The following SYT10 variants were observed in gnomAD, a reference collection of about 807,000 sequenced individuals.
SYT10 encodes the protein synaptotagmin-10.
SYT10 carries 31 observed loss-of-function variants against 51.1 expected under a neutral mutation model. The ratio of observed to expected loss-of-function variants is 0.61; its 90% confidence interval spans 0.46 to 0.82. The LOEUF (loss-of-function observed/expected upper bound fraction) is 0.82, where lower values mean the gene tolerates loss of function less well. SYT10 is among the 40% of genes least tolerant of loss of function. The probability of loss-of-function intolerance (pLI) is 0.00; values close to 1 mark genes in which losing one functional copy is unlikely to be tolerated. For synonymous variants in SYT10, 233 were observed against 225.9 expected (o/e 1.03, Z -0.28); for missense variants, 603 against 634.0 (o/e 0.95, Z 0.53).
At chr12:33,384,585 A>G (rs1173068414) in intron 4 of SYT10, among the ~76,000 whole-genome samples, 1 of 152,248 alleles carries the variant, frequency 6.6e-6, no homozygotes, top group African/African-American at 2.4e-5. Context: ...GGGATGAAGA[A>G]GCATGATGTA....
Position 33,403,233 on chromosome 12 carries a change from CTTT to C in SYT10, c.1077+3553_1077+3555del, listed in dbSNP as rs36045526. 2.3e-3 allele frequency among the ~76,000 whole-genome samples: 291 copies of C among 127,642 alleles called. 1 individual carries two copies. Among genetic ancestry groups the C allele is most frequent in the Middle Eastern group, 4.1e-3 (1 of 242 alleles). The allele number at this position is 127,642 out of a possible 152,430, so 83.7% of individuals were successfully genotyped here. On this transcript the variant is annotated intron_variant, in intron 3 of 6. Coordinates refer to ENST00000228567, the MANE Select transcript of SYT10 (RefSeq NM_198992.4). ...CATTATTGTCTCTTAATCTGATAGT[CTTT>C]TTTTTTTTTTTTTTGAGACAGAGTC...
intron 2 of SYT10, among the ~76,000 whole-genome samples, chr12:33,410,785 AAAT>A (rs1866398451): frequency 1.3e-5 from 2 of 152,214 alleles, no homozygotes; most frequent in South Asian, 4.1e-4. Flanking sequence ...AATATGAAAA[AAAT>A]AATGTCAAAT....
chr12:33,417,201 G>A (rs1866461768), intron 2 of SYT10, among the ~76,000 whole-genome samples: 1 of 152,192 alleles, frequency 6.6e-6, no homozygotes. Context: ...GGCAGAGCCT[G>A]TACTGTAAGA....
intron 3 of SYT10, among the ~76,000 whole-genome samples, chr12:33,404,197 T>C (rs1354357038): frequency 1.3e-5 from 2 of 152,078 alleles, no homozygotes; most frequent in African/African-American, 4.8e-5. Context: ...TGATTAAGAT[T>C]ATGGATTTTG....
At chr12:33,394,880 G>A (rs1866240610) in intron 3 of SYT10, among the ~76,000 whole-genome samples, 1 of 152,200 alleles carries the variant, frequency 6.6e-6, no homozygotes. Flanking sequence ...GAGGTCAGGA[G>A]ATCAAGACCA....
At chr12:33,387,520 T>C (rs1474788097) in intron 3 of SYT10, among the ~76,000 whole-genome samples, 1 of 152,166 alleles carries the variant, frequency 6.6e-6, no homozygotes, top group Non-Finnish European at 1.5e-5. Context: ...ATTCAGTAAG[T>C]ACTGGATAAA....
At chr12:33,412,927 A>T (rs906578377) in intron 2 of SYT10, among the ~76,000 whole-genome samples, 1 of 152,156 alleles carries the variant, frequency 6.6e-6, no homozygotes, top group Non-Finnish European at 1.5e-5. Flanking sequence ...AAAAACTAAA[A>T]ACCTTGAAAA....
chr12:33,420,171 G>A (rs1315334625), intron 2 of SYT10, among the ~76,000 whole-genome samples: 1 of 152,116 alleles, frequency 6.6e-6, no homozygotes, highest in East Asian at 1.9e-4. Flanking sequence ...TGCAAATAGT[G>A]TATTGAAATT....
intron 1 of SYT10, among the ~76,000 whole-genome samples, chr12:33,438,187 G>A (rs1592001108): frequency 1.3e-5 from 2 of 152,278 alleles, no homozygotes; most frequent in East Asian, 3.9e-4. Flanking sequence ...CTCCCAGCAC[G>A]CAGGGCTCCA....
At chr12:33,391,151 G>A (rs1866202729) in intron 3 of SYT10, among the ~76,000 whole-genome samples, 1 of 152,144 alleles carries the variant, frequency 6.6e-6, no homozygotes, top group African/African-American at 2.4e-5. Flanking sequence ...TGGCCAGACT[G>A]GTCTTGAACT....
At chr12:33,427,634 A>G (rs1344536042) in intron 1 of SYT10, among the ~76,000 whole-genome samples, 1 of 152,210 alleles carries the variant, frequency 6.6e-6, no homozygotes, top group Non-Finnish European at 1.5e-5. Context: ...AGCTTATTGT[A>G]TTTTATTTAT....
At chr12:33,430,284 A>T (rs1866586174) in intron 1 of SYT10, among the ~76,000 whole-genome samples, 1 of 152,240 alleles carries the variant, frequency 6.6e-6, no homozygotes, top group Non-Finnish European at 1.5e-5. Context: ...ATAAAGTGAC[A>T]TAGTTCAGAA....
rs760906718 is a variant in SYT10 at position 33,407,082 on chromosome 12, C to G, written c.784G>C (p.Asp262His). ...TAAGGGTCAGAAGTTCCTGTGAAGTCTTTAGCAGGGAGATCTAAAGCTTTG... is the reference window on the plus strand; with the variant it reads ...TAAGGGTCAGAAGTTCCTGTGAAGTGTTTAGCAGGGAGATCTAAAGCTTTG... ...IIKALDLPAK[D>H]FTGTSDPYVK... The change falls in exon 3 of 7, where the codon GAC (aspartate) becomes CAC (histidine). Residue 262 changes from aspartate to histidine, a missense_variant. Coordinates refer to ENST00000228567, the MANE Select transcript of SYT10 (RefSeq NM_198992.4). The G allele has an allele frequency of 1.2e-6, 2 of 1,613,918 alleles. No homozygotes were observed. The highest frequency in any genetic ancestry group is 1.7e-5 in the Admixed American group (1 of 59,970).
intron 2 of SYT10, chr12:33,407,648 CT>C (rs1200961054): frequency 3.2e-6 from 1 of 310,038 alleles, no homozygotes; most frequent in Non-Finnish European, 5.9e-6. Context: ...TTCTGTCACC[CT>C]AGCTGGAGTA....
intron 2 of SYT10, among the ~76,000 whole-genome samples, chr12:33,414,479 C>G (rs1866436533): frequency 6.6e-6 from 1 of 152,210 alleles, no homozygotes; most frequent in African/African-American, 2.4e-5. Context: ...CACAAACTGT[C>G]TCTCAGACCA....
chr12:33,388,919 A>AG (rs1701156383), intron 3 of SYT10, among the ~76,000 whole-genome samples: 1 of 152,240 alleles, frequency 6.6e-6, no homozygotes, highest in Non-Finnish European at 1.5e-5. Flanking sequence ...CAGGACTAAT[A>AG]GTAAAATCAA....
At chr12:33,382,561 G>A (rs773895093) in intron 4 of SYT10, 41 bp from the exon 5 acceptor site, 1 of 1,523,948 alleles carries the variant, frequency 6.6e-7, no homozygotes, top group Admixed American at 2.2e-5. Flanking sequence ...AAAAGTAATA[G>A]TACAAAGCAT....
chr12:33,424,068 A>C, intron 2 of SYT10: 2 of 452,960 alleles, frequency 4.4e-6, no homozygotes, highest in Non-Finnish European at 4.4e-6. Flanking sequence ...AGTTCTAGCA[A>C]AACTCTGAAT....
intron 3 of SYT10, among the ~76,000 whole-genome samples, chr12:33,389,968 C>G (rs187931086): frequency 1.0e-3 from 155 of 152,354 alleles, no homozygotes; most frequent in African/African-American, 3.5e-3. Flanking sequence ...AGCTACTTAA[C>G]CTCACTTGAC....
Sources: allele counts gnomAD v4.1 joint callset (sites outside exome capture counted in the v4.1 genomes callset), GRCh38; gene constraint gnomAD v4.1.1; transcripts MANE v1.5; gene names NCBI Gene and HGNC (gene_info 2026-07-23, HGNC 2026-07-21).